Variants in EIF2A observed in about 807,000 individuals in gnomAD.
EIF2A encodes the protein eukaryotic translation initiation factor 2A.
Under a neutral mutation model 75.2 loss-of-function variants are expected in EIF2A, and 62 were observed. That is an observed-to-expected ratio of 0.82 (90% CI 0.67 to 1.02). The LOEUF (loss-of-function observed/expected upper bound fraction) is 1.02. Among genes scored for constraint, EIF2A ranks in the 50% least tolerant of loss-of-function variants. The probability of loss-of-function intolerance (pLI) is 0.00; values close to 1 mark genes in which losing one functional copy is unlikely to be tolerated. For synonymous variants in EIF2A, 207 were observed against 239.0 expected (o/e 0.87, Z 1.23); for missense variants, 611 against 677.7 (o/e 0.90, Z 1.09).
chr3:150,583,112 C>T (rs1490560330), intron 12 of EIF2A, 88 bp from the exon 13 acceptor site: 1 of 1,103,024 alleles, frequency 9.1e-7, no homozygotes, highest in Non-Finnish European at 1.3e-6. Flanking sequence ...AATTAATCTC[C>T]TTACTTGAGT....
At chr3:150,552,581 T>G in intron 2 of EIF2A, 156 bp downstream of exon 2, 3 of 583,586 alleles carry the variant, frequency 5.1e-6, no homozygotes, top group Non-Finnish European at 8.6e-6. Flanking sequence ...ACATATTCTC[T>G]ATCAAGGAAA....
chr3:150,574,001 G>C (rs1724701121), intron 10 of EIF2A, among the ~76,000 whole-genome samples: 1 of 152,062 alleles, frequency 6.6e-6, no homozygotes, highest in Non-Finnish European at 1.5e-5. Flanking sequence ...CCTGAGCTCA[G>C]GAGTTTGAGA....
intron 6 of EIF2A, 53 bp from the exon 7 acceptor site, chr3:150,567,640 A>G (rs1724256787): frequency 8.2e-7 from 1 of 1,219,758 alleles, no homozygotes; most frequent in Admixed American, 2.2e-5. Flanking sequence ...AGAGTTTAAC[A>G]TGTTCCTTTT....
intron 3 of EIF2A, among the ~76,000 whole-genome samples, chr3:150,560,716 C>CTTTT (rs71138455): frequency 1.3e-4 from 16 of 120,676 alleles, no homozygotes; most frequent in Non-Finnish European, 1.9e-4. Flanking sequence ...GATGGAGAGT[C>CTTTT]TTTTTTTTTT....
Position 150,584,135 on chromosome 3 carries a change from GAT to G in EIF2A, c.*226_*227del. The G allele has an allele frequency of 2.4e-6, 1 of 416,796 alleles. No individual in the cohort carries two copies. The highest frequency in any genetic ancestry group is 6.4e-5 in the South Asian group (1 of 15,666). 25.8% of individuals were successfully genotyped at this position (416,796 alleles called of 1,614,324 possible). A position where few individuals can be genotyped will look rare whatever the true frequency, so the allele number is the denominator to read the frequency against. ...ATGTCAATATGTGATATAGAAAAGA[GAT>G]ACGTGAATTTTTTAGCTAAGCTTGA... On this transcript the variant is annotated 3_prime_UTR_variant, in exon 14 of 14. Transcript: ENST00000460851.
At chr3:150,561,939 A>G (rs1324045073) in intron 3 of EIF2A, among the ~76,000 whole-genome samples, 1 of 151,652 alleles carries the variant, frequency 6.6e-6, no homozygotes, top group East Asian at 2.0e-4. Flanking sequence ...TTGTAGTGTT[A>G]GTAGAGACAG....
chr3:150,581,506 T>G (rs1725173365), intron 11 of EIF2A, 112 bp from the exon 12 acceptor site: 2 of 1,261,258 alleles, frequency 1.6e-6, no homozygotes, highest in African/African-American at 3.0e-5. Flanking sequence ...ATATAAAATG[T>G]AGATAAAATC....
intron 9 of EIF2A, among the ~76,000 whole-genome samples, chr3:150,570,576 AAG>A (rs1724450228): frequency 6.6e-6 from 1 of 151,216 alleles, no homozygotes; most frequent in Admixed American, 6.6e-5. Flanking sequence ...TAAAAAAAAA[AAG>A]AAGAAGAAAA....
chr3:150,576,446 A>T (rs1020214856), intron 11 of EIF2A, among the ~76,000 whole-genome samples: 1 of 152,194 alleles, frequency 6.6e-6, no homozygotes, highest in Non-Finnish European at 1.5e-5. Context: ...AAAAGAAAAA[A>T]AGCACAAAAA....
At chr3:150,562,744 C>T in intron 4 of EIF2A, 84 bp downstream of exon 4, 4 of 971,102 alleles carry the variant, frequency 4.1e-6, no homozygotes, top group Non-Finnish European at 6.2e-6. Context: ...TTTATAACCT[C>T]ATAAGAAAGT....
In EIF2A at chr3:150,572,363, C is replaced by T. The variant is rs202244462; in HGVS notation, c.1217C>T (p.Ala406Val). 6.2e-7 allele frequency: 1 copy of T among 1,613,926 alleles called. No homozygotes were observed. The highest frequency in any genetic ancestry group is 8.5e-7 in the Non-Finnish European group (1 of 1,179,880). The change falls in exon 10 of 14, where the codon GCA becomes GTA. Residue 406 changes from alanine (A) to valine (V), a missense_variant. Coordinates refer to ENST00000460851, the MANE Select transcript of EIF2A (RefSeq NM_032025.5). ...CACAAGTATGATGTGCCATCAAATG[C>T]AGAATTATGGCAGGTTTCTTGGCAG... ...ILHKYDVPSN[A>V]ELWQVSWQPF...
Position 150,565,112 on chromosome 3 carries a change from G to T in EIF2A, c.475+731G>T, listed in dbSNP as rs767670348. The T allele has an allele frequency of 2.7e-5, 12 of 441,564 alleles. No individual in the cohort carries two copies. The East Asian group carries it at 6.3e-4, about 23-fold the overall frequency. The allele number at this position is 441,564 out of a possible 1,614,324, so 27.4% of individuals were successfully genotyped here. On this transcript the variant is annotated intron_variant, in intron 6 of 13. Transcript: ENST00000460851. ...AGAAACAAGGTTATTTGTCTTTCAC[G>T]TTTTCCCATAGTTTGAATTTTGCTT...
chr3:150,574,113 T>C (rs1724716090), intron 10 of EIF2A, among the ~76,000 whole-genome samples: 1 of 152,028 alleles, frequency 6.6e-6, no homozygotes, highest in Non-Finnish European at 1.5e-5. Context: ...TCGGGAGTGT[T>C]GAGGTGGGAA....
chr3:150,556,162 G>A (rs1723553565), intron 2 of EIF2A, among the ~76,000 whole-genome samples: 1 of 152,152 alleles, frequency 6.6e-6, no homozygotes, highest in Admixed American at 6.5e-5. Flanking sequence ...TTGAATAGTT[G>A]AGGCGTGGCA....
chr3:150,570,613 T>G (rs1213347293), intron 9 of EIF2A, among the ~76,000 whole-genome samples: 3 of 148,776 alleles, frequency 2.0e-5, no homozygotes, highest in Admixed American at 1.3e-4. Context: ...GAAAAAGAAA[T>G]AAAATTACTT....
At chr3:150,575,230 T>C (rs1366138222) in intron 10 of EIF2A, among the ~76,000 whole-genome samples, 1 of 152,226 alleles carries the variant, frequency 6.6e-6, no homozygotes, top group Non-Finnish European at 1.5e-5. Context: ...AATTTCTGAT[T>C]TTACAAGTAA....
At chr3:150,550,713 T>A (rs1262184740) in intron 1 of EIF2A, among the ~76,000 whole-genome samples, 1 of 152,128 alleles carries the variant, frequency 6.6e-6, no homozygotes, top group Non-Finnish European at 1.5e-5. Context: ...TTAACATGGC[T>A]TGGTGGTGGG....
At chr3:150,559,171 A>G (rs1302471919) in intron 3 of EIF2A, among the ~76,000 whole-genome samples, 1 of 152,202 alleles carries the variant, frequency 6.6e-6, no homozygotes, top group Non-Finnish European at 1.5e-5. Context: ...ATTAGTTTGA[A>G]AAGTAAATTT....
chr3:150,556,301 G>A (rs932556935), intron 2 of EIF2A, among the ~76,000 whole-genome samples: 2 of 152,122 alleles, frequency 1.3e-5, no homozygotes, highest in Non-Finnish European at 2.9e-5. Flanking sequence ...GAACTGTGCT[G>A]TACATATCTT....
Sources: allele counts gnomAD v4.1 joint callset (sites outside exome capture counted in the v4.1 genomes callset), GRCh38; gene constraint gnomAD v4.1.1; transcripts MANE v1.5; gene names NCBI Gene and HGNC (gene_info 2026-07-23, HGNC 2026-07-21).